RBM19: variants seen among roughly 807,000 people sequenced by gnomAD.
The protein encoded by RBM19 is probable RNA-binding protein 19.
Under a neutral mutation model 116.8 loss-of-function variants are expected in RBM19, and 94 were observed. That is an observed-to-expected ratio of 0.80 (90% CI 0.68 to 0.95). RBM19 has a LOEUF of 0.95. RBM19 is among the 40% of genes least tolerant of loss of function. The probability of loss-of-function intolerance (pLI) is 0.00; values close to 1 mark genes in which losing one functional copy is unlikely to be tolerated. For missense variants in RBM19, 1,161 were observed against 1,220.7 expected, an observed-to-expected ratio of 0.95 and a Z score of 0.73; for synonymous variants, 475 against 494.1, an observed-to-expected ratio of 0.96 and a Z score of 0.51.
chr12:113,960,227 T>C (rs765664082), intron 2 of RBM19, 49 bp from the exon 3 acceptor site: 19 of 1,611,104 alleles, frequency 1.2e-5, no homozygotes, highest in South Asian at 2.2e-5. Flanking sequence ...CACCCAGGCG[T>C]TGGGTGCTGC....
intron 22 of RBM19, among the ~76,000 whole-genome samples, chr12:113,847,920 G>A (rs919951038): frequency 4.6e-5 from 7 of 152,136 alleles, no homozygotes; most frequent in African/African-American, 7.2e-5. Context: ...CCTCTGACAC[G>A]TTATTGGCCT....
rs777116966 is a variant in RBM19, at chr12:113,959,219, G to A, written c.564C>T (p.Asp188=). Residue 188 remains aspartate, a synonymous_variant, in exon 5 of 24, where the codon GAC becomes GAT. Transcript: ENST00000261741. Reference sequence around the variant, plus strand: ...CAGTCCCCATGCCCTCACCTTCCAGGTCCTCCCCGGCTCCCTCCTCCTCAC... The same window carrying A: ...CAGTCCCCATGCCCTCACCTTCCAGATCCTCCCCGGCTCCCTCCTCCTCAC... ...QESEEEGAGE[D]LEEEASLEPK... is the part of the protein sequence containing the mutation. The A allele has an allele frequency of 6.2e-7, 1 of 1,610,232 alleles. No homozygotes were observed. Among genetic ancestry groups the A allele is most frequent in the Non-Finnish European group, 8.5e-7 (1 of 1,178,174 alleles).
At chr12:113,833,251 C>T (rs1007662059) in intron 23 of RBM19, among the ~76,000 whole-genome samples, 2 of 152,180 alleles carry the variant, frequency 1.3e-5, no homozygotes, top group Admixed American at 1.3e-4. Flanking sequence ...TTTCTCCTGC[C>T]TTCCAGAAGC....
intron 19 of RBM19, among the ~76,000 whole-genome samples, chr12:113,919,824 AAGG>A (rs1416651483): frequency 6.6e-6 from 1 of 151,820 alleles, no homozygotes; most frequent in East Asian, 1.9e-4. Context: ...TGGATGACTC[AAGG>A]GTCTCCTACC....
Position 113,959,864 on chromosome 12 carries a change from C to G in RBM19, c.378+1G>C. The G allele has an allele frequency of 6.2e-7, 1 of 1,614,172 alleles. No individual in the cohort carries two copies. The highest frequency in any genetic ancestry group is 8.5e-7 in the Non-Finnish European group (1 of 1,180,024). The stretch of plus-strand genomic sequence containing the variant: ...CTCCTTGGGCAACAGGACAGACTCA[C>G]CTTCTCCAGTTGACCTGCCACCTTT... On this transcript the variant is annotated splice_donor_variant, in intron 4 of 23. Transcript: ENST00000261741. LOFTEE classifies it high-confidence loss of function.
intron 21 of RBM19, among the ~76,000 whole-genome samples, chr12:113,880,066 G>A (rs905391000): frequency 2.0e-5 from 3 of 151,376 alleles, no homozygotes; most frequent in Non-Finnish European, 4.4e-5. Flanking sequence ...GGTCCCGGGG[G>A]TGGTGATGAA....
intron 21 of RBM19, among the ~76,000 whole-genome samples, chr12:113,887,262 A>G (rs1015279157): frequency 2.6e-5 from 4 of 152,120 alleles, no homozygotes; most frequent in African/African-American, 9.7e-5. Flanking sequence ...TTTATGGATA[A>G]ATTTGACAAT....
rs575444859 is a variant in RBM19, at chr12:113,844,700, G to A, written c.2753C>T (p.Ala918Val). 1.9e-6 allele frequency: 3 copies of A among 1,612,686 alleles called. No individual in the cohort carries two copies. The highest frequency in any genetic ancestry group is 2.2e-5 in the South Asian group (2 of 90,860). ...EWADSEVTLQ[A>V]LRRKTAAHFH... is the part of the protein sequence containing the mutation. The stretch of plus-strand genomic sequence containing the variant: ...GTGAGCGGCCGTCTTCCGCCGCAGG[G>A]CCTGCAGGGTCACCTCGGAGTCGGC... The change falls in exon 23 of 24, where the codon GCC becomes GTC. Residue 918 changes from alanine (A) to valine (V), a missense_variant. Coordinates refer to ENST00000261741, the MANE Select transcript of RBM19 (RefSeq NM_016196.4).
At chr12:113,823,434 G>C (rs192573129) in intron 23 of RBM19, 113 bp from the exon 24 acceptor site, 48 of 822,534 alleles carry the variant, frequency 5.8e-5, no homozygotes, top group Admixed American at 3.1e-4. Flanking sequence ...GCAGAACAAG[G>C]GTGCGGGGAG....
At chr12:113,958,506 C>T (rs1004612504) in intron 5 of RBM19, among the ~76,000 whole-genome samples, 1 of 152,154 alleles carries the variant, frequency 6.6e-6, no homozygotes, top group African/African-American at 2.4e-5. Flanking sequence ...ATGCACTTTC[C>T]TTTCCTCTGT....
chr12:113,947,232 A>C, intron 11 of RBM19, 102 bp downstream of exon 11: 5 of 1,388,364 alleles, frequency 3.6e-6, no homozygotes, highest in Non-Finnish European at 4.8e-6. Context: ...TAGGCCCACA[A>C]AGTGGACGCC....
chr12:113,924,192 C>T (rs1019572403), intron 18 of RBM19, among the ~76,000 whole-genome samples: 4 of 152,178 alleles, frequency 2.6e-5, no homozygotes, highest in Admixed American at 2.6e-4. Context: ...ACCCACTGGC[C>T]TGGGAGGTGC....
intron 21 of RBM19, among the ~76,000 whole-genome samples, chr12:113,895,382 C>T (rs774199693): frequency 5.9e-5 from 9 of 152,096 alleles, no homozygotes; most frequent in African/African-American, 1.2e-4. Flanking sequence ...ACAACATGCC[C>T]GGCTCCAAAC....
intron 23 of RBM19, among the ~76,000 whole-genome samples, chr12:113,843,993 C>T (rs1384807592): frequency 1.3e-5 from 2 of 152,252 alleles, no homozygotes; most frequent in Admixed American, 6.5e-5. Flanking sequence ...TGAAGCCTCT[C>T]TAGCCCACCT....
At chr12:113,929,504 T>C (rs1247318670) in intron 16 of RBM19, among the ~76,000 whole-genome samples, 1 of 152,196 alleles carries the variant, frequency 6.6e-6, no homozygotes, top group Non-Finnish European at 1.5e-5. Context: ...GTGTGGCCCT[T>C]TGTACTTAAA....
intron 20 of RBM19, among the ~76,000 whole-genome samples, chr12:113,915,890 G>A (rs1484254219): frequency 6.6e-6 from 1 of 152,158 alleles, no homozygotes; most frequent in Non-Finnish European, 1.5e-5. Context: ...CCTCCTTCAG[G>A]CCTGCTCCAC....
chr12:113,906,888 C>T (rs942736295), intron 21 of RBM19, among the ~76,000 whole-genome samples: 3 of 152,002 alleles, frequency 2.0e-5, no homozygotes, highest in African/African-American at 4.8e-5. Context: ...TGTGGGTCCT[C>T]GATGCAATGC....
At chr12:113,923,581 T>A (rs2135871099) in intron 18 of RBM19, among the ~76,000 whole-genome samples, 1 of 152,350 alleles carries the variant, frequency 6.6e-6, no homozygotes, top group Middle Eastern at 3.4e-3. Context: ...ACTTCATGGT[T>A]TGGAACTTGC....
At position 113,903,212 on chromosome 12, in the gene RBM19, T is replaced by C. The variant is rs1388438918; in HGVS notation, c.2558+11757A>G. Among the ~76,000 whole-genome samples the C allele has an allele frequency of 1.3e-5, 2 of 152,174 alleles. No individual in the cohort carries two copies. The highest frequency in any genetic ancestry group is 1.9e-4 in the East Asian group (1 of 5,190). Reference sequence around the variant, plus strand: ...CAAGTCCCTTCTGCATTATTTTCGATCTGTGGTTGGTGGAATCTGTGGGTG... The same window carrying C: ...CAAGTCCCTTCTGCATTATTTTCGACCTGTGGTTGGTGGAATCTGTGGGTG... On this transcript the variant is annotated intron_variant, in intron 21 of 23. Transcript: ENST00000261741. The surrounding 1 kb of genome is among the most constrained non-coding windows in gnomAD (Gnocchi z 5.1).
Sources: gnomAD v4.1 joint callset for allele counts (sites outside exome capture counted in the v4.1 genomes callset) on GRCh38, gnomAD v4.1.1 for gene constraint, Gnocchi (gnomAD v3.1) non-coding constraint, MANE v1.5 for transcripts, NCBI Gene and HGNC (gene_info 2026-07-23, HGNC 2026-07-21) for gene names.